The following CASP5 variants were observed in gnomAD, a reference collection of about 807,000 sequenced individuals.
CASP5 encodes caspase-5.
CASP5 carries 42 observed loss-of-function variants against 45.2 expected under a neutral mutation model. That is an observed-to-expected ratio of 0.93 (90% CI 0.73 to 1.20). CASP5 has a LOEUF of 1.20. Among genes scored for constraint, CASP5 ranks in the 50% most tolerant of loss-of-function variants. CASP5 has a pLI of 0.00. For synonymous variants in CASP5, 209 were observed against 186.2 expected, an observed-to-expected ratio of 1.12 and a Z score of -1.00; for missense variants, 512 against 532.2, an observed-to-expected ratio of 0.96 and a Z score of 0.37.
chr11:105,007,143 C>G lies in CASP5; in HGVS notation c.373G>C (p.Ala125Pro). 1 of 1,613,638 alleles carries G rather than the reference C, an allele frequency of 6.2e-7. No homozygotes were observed. Among genetic ancestry groups the G allele is most frequent in the South Asian group, 1.1e-5 (1 of 91,060 alleles). ...AGTGTTTGGGTAAACATTTGATGAG[C>G]CACGCGATTCTTTCGCAAAGAGTCT... Reference protein sequence around the residue: ...LVDSLRKNRVAHQMFTQTLLN... With the variant: ...LVDSLRKNRVPHQMFTQTLLN... Residue 125 changes from alanine (A) to proline (P), a missense_variant, in exon 3 of 10, where the codon GCT (alanine) becomes CCT (proline). Transcript: ENST00000260315.
Position 105,002,061 on chromosome 11 carries a change from G to A in CASP5, c.684C>T (p.Tyr228=), listed in dbSNP as rs371439453. The part of the protein sequence containing the change: ...GMKRLLQGLG[Y]TVVDEKNLTA... Reference sequence around the variant, plus strand: ...TGAGATTCTTTTCGTCAACCACAGTGTAGCCCAGGCCTTGAAGCAGCCTTT... The same window carrying A: ...TGAGATTCTTTTCGTCAACCACAGTATAGCCCAGGCCTTGAAGCAGCCTTT... Residue 228 remains tyrosine (Y), a synonymous_variant, in exon 5 of 10, where the codon TAC becomes TAT. Coordinates refer to ENST00000260315, the MANE Select transcript of CASP5 (RefSeq NM_004347.5). The A allele has an allele frequency of 1.7e-4, 273 of 1,614,060 alleles. No homozygotes were observed. Among genetic ancestry groups the A allele is most frequent in the Admixed American group, 4.2e-4 (25 of 60,002 alleles).
At chr11:105,002,559 A>T (rs1565382766) in intron 4 of CASP5, among the ~76,000 whole-genome samples, 4 of 152,170 alleles carry the variant, frequency 2.6e-5, no homozygotes, top group Admixed American at 2.6e-4. Flanking sequence ...TGCCTTCCGT[A>T]TTATGATTAT....
In CASP5 at chr11:105,010,509, A is replaced by G. The variant is rs185979885; in HGVS notation, c.8-1529T>C. On this transcript the variant is annotated intron_variant, in intron 1 of 9. Coordinates refer to ENST00000260315, the MANE Select transcript of CASP5 (RefSeq NM_004347.5). ...ATACTGATATAATAAATCAGTAATTATCATTATTATTATTATATCATATCA... is the reference window on the plus strand; with the variant it reads ...ATACTGATATAATAAATCAGTAATTGTCATTATTATTATTATATCATATCA... Among the ~76,000 whole-genome samples the G allele has an allele frequency of 2.7e-3, 366 of 135,218 alleles. 3 individuals are homozygous for G. The highest frequency in any genetic ancestry group is 0.013 in the African/African-American group (356 of 27,352). The allele number at this position is 135,218 out of a possible 152,430, so 88.7% of individuals were successfully genotyped here.
intron 5 of CASP5, among the ~76,000 whole-genome samples, chr11:105,001,394 C>A (rs1010147221): frequency 6.6e-6 from 1 of 152,146 alleles, no homozygotes; most frequent in Admixed American, 6.5e-5. Context: ...GGGCCGGGTG[C>A]GGTGGCTCAC....
At chr11:105,015,937 C>T (rs905881923) in intron 1 of CASP5, among the ~76,000 whole-genome samples, 6 of 151,964 alleles carry the variant, frequency 3.9e-5, no homozygotes, top group Non-Finnish European at 8.8e-5. Context: ...TTCTTATGAA[C>T]GTAAAAATCG....
intron 1 of CASP5, among the ~76,000 whole-genome samples, chr11:105,019,846 A>T (rs200085888): frequency 1.0e-3 from 140 of 140,174 alleles, no homozygotes; most frequent in South Asian, 2.3e-3. Context: ...GGGCAGAGAC[A>T]CAACCAAAAA....
chr11:105,004,960 G>A (rs914625440), intron 3 of CASP5, among the ~76,000 whole-genome samples: 5 of 152,118 alleles, frequency 3.3e-5, no homozygotes, highest in South Asian at 2.1e-4. Flanking sequence ...GTGTCTGTGT[G>A]TAGAACAGGT....
At chr11:105,012,547 A>C (rs1591171705) in intron 1 of CASP5, among the ~76,000 whole-genome samples, 1 of 152,034 alleles carries the variant, frequency 6.6e-6, no homozygotes, top group African/African-American at 2.4e-5. Context: ...TAATATTCAA[A>C]ATATATGAGA....
At chr11:105,002,459 A>G (rs1246616525) in intron 4 of CASP5, among the ~76,000 whole-genome samples, 1 of 152,080 alleles carries the variant, frequency 6.6e-6, no homozygotes, top group East Asian at 1.9e-4. Flanking sequence ...CTACTCAAAC[A>G]TTTCTTATAT....
rs143946090 is a variant in CASP5, at chr11:104,997,467, T to C, written c.1122A>G (p.Thr374=). The C allele has an allele frequency of 2.7e-5, 43 of 1,612,628 alleles. No individual in the cohort carries two copies. The highest frequency in any genetic ancestry group is 2.7e-5 in the Non-Finnish European group (32 of 1,178,850). ...GTTCCGTAATGAAGATGGAGCCCCT[T>C]GTGCGGTCTCTCCAGGACACGTTAT... The part of the protein sequence containing the change: ...TPHNVSWRDR[T]RGSIFITELI... The change falls in exon 8 of 10, where the codon ACA becomes ACG. Residue 374 remains threonine (T), a synonymous_variant. Transcript: ENST00000260315.
chr11:105,012,702 A>G (rs1862409253), intron 1 of CASP5, among the ~76,000 whole-genome samples: 1 of 151,788 alleles, frequency 6.6e-6, no homozygotes, highest in Non-Finnish European at 1.5e-5. Context: ...TAAAACCACA[A>G]TGAGATAATG....
Position 105,003,304 on chromosome 11 carries a change from G to A in CASP5, c.513C>T (p.Phe171=). 6.2e-7 allele frequency: 1 copy of A among 1,606,478 alleles called. No individual in the cohort carries two copies. The highest frequency in any genetic ancestry group is 1.1e-5 in the South Asian group (1 of 90,212). Residue 171 remains phenylalanine, a synonymous_variant, in exon 4 of 10, where the codon TTC becomes TTT. Transcript: ENST00000260315. Reference sequence around the variant, plus strand: ...CATGATTTTTTTTACACAGTCTCAGGAATTCTTCACGAGGACAAAGTTTGA... The same window carrying A: ...CATGATTTTTTTTACACAGTCTCAGAAATTCTTCACGAGGACAAAGTTTGA... The part of the protein sequence containing the change: ...NILKLCPREE[F]LRLCKKNHDE...
chr11:104,997,874 A>G (rs974329194), intron 7 of CASP5, among the ~76,000 whole-genome samples: 2 of 152,208 alleles, frequency 1.3e-5, no homozygotes, highest in African/African-American at 4.8e-5. Flanking sequence ...GGAAGCAACA[A>G]AAAACTACCG....
chr11:105,009,850 TACACATATATATACATATATATAC>T (rs1261065465), intron 1 of CASP5, among the ~76,000 whole-genome samples: 3 of 132,572 alleles, frequency 2.3e-5, no homozygotes, highest in East Asian at 2.1e-4. Context: ...CACATATATA[TACACATATATATACATATATATAC>T]ACACATATAT....
chr11:105,018,912 A>T (rs373279056), intron 1 of CASP5, among the ~76,000 whole-genome samples: 5 of 150,406 alleles, frequency 3.3e-5, no homozygotes, highest in East Asian at 1.9e-4. Flanking sequence ...GAAGTAAAGC[A>T]CTCCTCAGCA....
chr11:105,009,771 G>GTATA lies in CASP5; in HGVS notation c.8-795_8-792dup, dbSNP rs35870613. On this transcript the variant is annotated intron_variant, in intron 1 of 9. Transcript: ENST00000260315. ...TATATATATATATACACACACACAC[G>GTATA]TATATATATATATATACACACGTAT... Among the ~76,000 whole-genome samples the GTATA allele has an allele frequency of 3.1e-3, 274 of 88,452 alleles. 2 individuals are homozygous for GTATA. Among genetic ancestry groups the GTATA allele is most frequent in the African/African-American group, 9.9e-3 (201 of 20,276 alleles). The allele number at this position is 88,452 out of a possible 152,430, so 58.0% of individuals were successfully genotyped here.
At position 105,019,236 on chromosome 11, in the gene CASP5, A is replaced by G. The variant is rs1450616486; in HGVS notation, c.7+3894T>C. On this transcript the variant is annotated intron_variant, in intron 1 of 9. Transcript: ENST00000260315. ...CCAAAATTGACACCCTAACATCACA[A>G]TTAAAGGAACTAGAAAAGCAAGAGC... Among the ~76,000 whole-genome samples, 7 of 151,252 alleles carry G rather than the reference A, an allele frequency of 4.6e-5. No homozygotes were observed. The South Asian group carries it at 1.1e-3, about 23-fold the overall frequency.
chr11:105,001,990 G>A, intron 5 of CASP5, 38 bp downstream of exon 5: 1 of 1,590,668 alleles, frequency 6.3e-7, no homozygotes, highest in Non-Finnish European at 8.6e-7. Context: ...AATCTGTGTT[G>A]CCTATGGATG....
intron 6 of CASP5, among the ~76,000 whole-genome samples, chr11:104,999,361 A>G (rs886774750): frequency 6.6e-6 from 1 of 152,142 alleles, no homozygotes; most frequent in African/African-American, 2.4e-5. Context: ...AGCTTCATTC[A>G]TGTCCCTGCA....
Sources: allele counts gnomAD v4.1 joint callset (sites outside exome capture counted in the v4.1 genomes callset), GRCh38; gene constraint gnomAD v4.1.1; transcripts MANE v1.5; gene names NCBI Gene and HGNC (gene_info 2026-07-23, HGNC 2026-07-21).